Variants in CEP295 observed in about 807,000 individuals in gnomAD.
The protein encoded by CEP295 is centrosomal protein 295.
A neutral mutation model predicts 291.6 loss-of-function variants in CEP295; 190 were observed. That is an observed-to-expected ratio of 0.65 (90% confidence interval 0.58 to 0.73). The LOEUF is 0.73. Ranked by LOEUF, CEP295 falls within the 30% of genes least tolerant of loss-of-function variation. The pLI, the probability that CEP295 is intolerant of heterozygous loss-of-function variation, is 0.00. For missense variants in CEP295, 2,863 were observed against 2,949.4 expected (o/e 0.97, Z 0.68); for synonymous variants, 993 against 1,038.8 (o/e 0.96, Z 0.85).
rs369510440 is a variant in CEP295, at chr11:93,722,102, G to A, written c.5947+52G>A. On this transcript the variant is annotated intron_variant, in intron 20 of 29. Transcript: ENST00000325212. Reference sequence around the variant, plus strand: ...AAGTTGAAAGACCGGCACCAGTTGAGTTGCAATACAGTGATGGAAGGAAGC... The same window carrying A: ...AAGTTGAAAGACCGGCACCAGTTGAATTGCAATACAGTGATGGAAGGAAGC... 6 of 1,029,606 alleles carry A rather than the reference G, an allele frequency of 5.8e-6. No homozygotes were observed. The African/African-American group carries it at 8.0e-5, about 14-fold the overall frequency. 63.8% of individuals were successfully genotyped at this position (1,029,606 alleles called of 1,614,324 possible).
intron 4 of CEP295, 51 bp from the exon 5 acceptor site, chr11:93,669,626 C>A: frequency 8.3e-7 from 1 of 1,206,402 alleles, no homozygotes; most frequent in Non-Finnish European, 1.2e-6. Context: ...CCCTGTTGTA[C>A]TATAATATTA....
intron 18 of CEP295, among the ~76,000 whole-genome samples, chr11:93,718,214 A>T (rs1953416933): frequency 6.6e-6 from 1 of 152,154 alleles, no homozygotes; most frequent in South Asian, 2.1e-4. Flanking sequence ...CCTGGTCCAG[A>T]TTGTTTCTAT....
In CEP295 at chr11:93,699,200, T is replaced by G; in HGVS notation, c.4288T>G (p.Ser1430Ala). Residue 1430 changes from serine to alanine, a missense_variant, in exon 15 of 30, where the codon TCA (serine) becomes GCA (alanine). Ser to Ala is a moderately conservative substitution (Grantham distance 99). Transcript: ENST00000325212. ...CSINSDNIVS[S>A]GHSEIPTLPD... ...AATTAACAGTGATAATATAGTATCCTCAGGTCACTCAGAGATACCAACATT... is the reference window on the plus strand; with the variant it reads ...AATTAACAGTGATAATATAGTATCCGCAGGTCACTCAGAGATACCAACATT... 6.4e-7 allele frequency: 1 copy of G among 1,551,916 alleles called. No individual in the cohort carries two copies. The highest frequency in any genetic ancestry group is 8.7e-7 in the Non-Finnish European group (1 of 1,147,018).
intron 9 of CEP295, among the ~76,000 whole-genome samples, chr11:93,685,507 C>T (rs981316783): frequency 5.3e-5 from 8 of 152,132 alleles, no homozygotes; most frequent in South Asian, 2.1e-4. Context: ...GTTGTCCAAA[C>T]GGAAGCCTAA....
chr11:93,684,393 T>C (rs755427526), intron 9 of CEP295, among the ~76,000 whole-genome samples: 1 of 152,166 alleles, frequency 6.6e-6, no homozygotes, highest in Non-Finnish European at 1.5e-5. Context: ...TCTGAATTCA[T>C]TAGAAAGGTT....
At chr11:93,713,441 T>C (rs1050314182) in intron 18 of CEP295, among the ~76,000 whole-genome samples, 1 of 152,212 alleles carries the variant, frequency 6.6e-6, no homozygotes, top group African/African-American at 2.4e-5. Flanking sequence ...CTTCTTTACT[T>C]TTGAAGGATA....
At chr11:93,681,657 G>A (rs1434857979) in intron 7 of CEP295, among the ~76,000 whole-genome samples, 1 of 150,712 alleles carries the variant, frequency 6.6e-6, no homozygotes, top group African/African-American at 2.4e-5. Context: ...CTCATGATCC[G>A]CCTGCCTCAG....
At chr11:93,721,640 T>C in intron 19 of CEP295, 1 of 742,132 alleles carries the variant, frequency 1.3e-6, no homozygotes, top group Non-Finnish European at 2.5e-6. Context: ...TATAAAACAA[T>C]GTAAAACAAT....
At chr11:93,673,361 G>A (rs1950536946) in intron 5 of CEP295, among the ~76,000 whole-genome samples, 2 of 152,148 alleles carry the variant, frequency 1.3e-5, no homozygotes, top group South Asian at 2.1e-4. Context: ...TTACCTAAAT[G>A]ATAAGACCCT....
In CEP295 at chr11:93,695,090, A is replaced by G. The variant is rs879532275; in HGVS notation, c.1534-407A>G. ...CTTAATGAGCATGGTTAAGAAGTCA[A>G]AGTATTTTAGGAGGCCTTGATATTT... On this transcript the variant is annotated intron_variant, in intron 12 of 29. Transcript: ENST00000325212. 5.3e-5 allele frequency among the ~76,000 whole-genome samples: 8 copies of G among 152,342 alleles called. No individual in the cohort carries two copies. The East Asian group carries it at 7.7e-4, about 15-fold the overall frequency.
intron 7 of CEP295, among the ~76,000 whole-genome samples, chr11:93,680,273 C>A (rs1950897866): frequency 6.6e-6 from 1 of 152,098 alleles, no homozygotes; most frequent in African/African-American, 2.4e-5. Context: ...CAGAGCGAGA[C>A]CCTGTCTCAA....
At chr11:93,730,186 G>A (rs754610800) in intron 29 of CEP295, 38 bp downstream of exon 29, 1 of 1,551,156 alleles carries the variant, frequency 6.4e-7, no homozygotes, top group South Asian at 1.2e-5. Context: ...AATTTTTCAA[G>A]CATGAAGTAC....
At chr11:93,693,507 G>A (rs576930627) in intron 12 of CEP295, among the ~76,000 whole-genome samples, 58 of 152,232 alleles carry the variant, frequency 3.8e-4, no homozygotes, top group South Asian at 2.3e-3. Context: ...TGTCATCCCA[G>A]TACTTTGGGA....
At chr11:93,678,750 A>G in intron 6 of CEP295, among the ~76,000 whole-genome samples, 1 of 149,228 alleles carries the variant, frequency 6.7e-6, no homozygotes, top group East Asian at 2.0e-4. Flanking sequence ...CCATCTCTTT[A>G]AAAAAAAAAG....
chr11:93,665,318 T>A (rs990600840), intron 1 of CEP295, among the ~76,000 whole-genome samples: 1 of 152,264 alleles, frequency 6.6e-6, no homozygotes, highest in Non-Finnish European at 1.5e-5. Flanking sequence ...TAGATTCTTA[T>A]ATTTATTCCA....
At chr11:93,710,043 T>C (rs959761460) in intron 18 of CEP295, among the ~76,000 whole-genome samples, 1 of 152,198 alleles carries the variant, frequency 6.6e-6, no homozygotes, top group Non-Finnish European at 1.5e-5. Flanking sequence ...TTGTGGAGTC[T>C]TTAGGTTTTT....
intron 20 of CEP295, chr11:93,722,556 C>G (rs1173682203): frequency 6.3e-6 from 1 of 159,934 alleles, no homozygotes; most frequent in Non-Finnish European, 1.4e-5. Flanking sequence ...CTCTGTAGAT[C>G]CCCAACAATA....
intron 18 of CEP295, among the ~76,000 whole-genome samples, chr11:93,718,293 T>G (rs1052543007): frequency 6.6e-6 from 1 of 152,264 alleles, no homozygotes; most frequent in Non-Finnish European, 1.5e-5. Context: ...AACAGATTTT[T>G]AAGATGGAGC....
rs1192879420 is a variant in CEP295 at position 93,698,177 on chromosome 11, T to G, written c.3265T>G (p.Leu1089Val). 1 of 1,551,940 alleles carries G rather than the reference T, an allele frequency of 6.4e-7. No homozygotes were observed. The highest frequency in any genetic ancestry group is 1.4e-5 in the African/African-American group (1 of 73,028). ...VELLLHRQRD[L>V]GDSKSGLVSS... ...ATTACTTTTACATAGACAAAGAGAT[T>G]TGGGGGACAGTAAGTCTGGGCTGGT... is the stretch of plus-strand genomic sequence containing the variant. Residue 1089 changes from leucine to valine, a missense_variant, in exon 15 of 30, where the codon TTG (leucine) becomes GTG (valine). Coordinates refer to ENST00000325212, the MANE Select transcript of CEP295 (RefSeq NM_033395.2).
Sources: allele counts gnomAD v4.1 joint callset (sites outside exome capture counted in the v4.1 genomes callset), GRCh38; gene constraint gnomAD v4.1.1; transcripts MANE v1.5; gene names NCBI Gene and HGNC (gene_info 2026-07-23, HGNC 2026-07-21).